SYNE1: variants seen among roughly 807,000 people sequenced by gnomAD.
SYNE1 encodes nesprin-1.
SYNE1 carries 616 observed loss-of-function variants against 1,111.0 expected under a neutral mutation model. That is an observed-to-expected ratio of 0.55 (90% CI 0.52 to 0.59). The LOEUF (loss-of-function observed/expected upper bound fraction) is 0.59. Ranked by LOEUF, SYNE1 falls within the 20% of genes least tolerant of loss-of-function variation. The probability of loss-of-function intolerance (pLI) is 0.00; values close to 1 mark genes in which losing one functional copy is unlikely to be tolerated. For synonymous variants in SYNE1, 3,855 were observed against 3,825.8 expected, an observed-to-expected ratio of 1.01 and a Z score of -0.28; for missense variants, 10,006 against 10,417.0, an observed-to-expected ratio of 0.96 and a Z score of 1.72.
At chr6:152,146,283 C>A (rs1433981231) in intron 137 of SYNE1, 1 of 152,126 alleles carries the variant, frequency 6.6e-6, no homozygotes, top group Non-Finnish European at 1.5e-5. Flanking sequence ...TCTATGTGAA[C>A]TATATATGTA....
At chr6:152,604,033 A>G (rs1185759600) in intron 3 of SYNE1, among the ~76,000 whole-genome samples, 1 of 150,434 alleles carries the variant, frequency 6.6e-6, no homozygotes, top group Non-Finnish European at 1.5e-5. Flanking sequence ...TAGAACATAT[A>G]TATGTATGTA....
At chr6:152,529,909 C>T (rs1227141211) in intron 4 of SYNE1, among the ~76,000 whole-genome samples, 1 of 152,044 alleles carries the variant, frequency 6.6e-6, no homozygotes, top group Non-Finnish European at 1.5e-5. Flanking sequence ...CTCTCTCCCA[C>T]ACCCTCAACC....
rs1323493048 is a variant in SYNE1 at position 152,294,127 on chromosome 6, C to T, written c.17683G>A (p.Asp5895Asn). ...GACAAGGCTTGGTAATATGCAATGT[C>T]CTGTGAGTGCAAAGCACAGTATTGA... ...VANTDASVNQ[D>N]IAYYQALSAE... The change falls in exon 94 of 146, where the codon GAC becomes AAC. Residue 5895 changes from aspartate (D) to asparagine (N), a missense_variant and splice_region_variant. By Grantham distance (23) the Asp-to-Asn change is conservative (BLOSUM62 1). Transcript: ENST00000367255. 1 of 1,613,282 alleles carries T rather than the reference C, an allele frequency of 6.2e-7. No individual in the cohort carries two copies. Among genetic ancestry groups the T allele is most frequent in the East Asian group, 2.2e-5 (1 of 44,868 alleles).
intron 74 of SYNE1, among the ~76,000 whole-genome samples, chr6:152,340,479 C>T (rs777941903): frequency 3.9e-5 from 6 of 152,184 alleles, no homozygotes; most frequent in South Asian, 4.1e-4. Context: ...CAGCATCCTT[C>T]GCGTCTACCC....
In SYNE1 at chr6:152,433,943, A is replaced by T. The variant is rs886044260; in HGVS notation, c.4313T>A (p.Ile1438Asn). ...KKLEDTLEED[I>N]KTMEMVKTKW... Reference sequence around the variant, plus strand: ...GGTTTTCACCATTTCCATGGTTTTAATACTAAAATTAACCAAATTAAGTAA... The same window carrying T: ...GGTTTTCACCATTTCCATGGTTTTATTACTAAAATTAACCAAATTAAGTAA... The change falls in exon 34 of 146, where the codon ATT (isoleucine) becomes AAT (asparagine). Residue 1438 changes from isoleucine (I) to asparagine (N), a missense_variant and splice_region_variant. Physicochemically the swap from Ile to Asn is moderately radical, Grantham distance 149 (BLOSUM62 -3). Coordinates refer to ENST00000367255, the MANE Select transcript of SYNE1 (RefSeq NM_182961.4). 1 of 1,612,242 alleles carries T rather than the reference A, an allele frequency of 6.2e-7. No homozygotes were observed.
In SYNE1 at chr6:152,149,572, C is replaced by T; in HGVS notation, c.24547G>A (p.Ala8183Thr). Residue 8183 changes from alanine to threonine, a missense_variant, in exon 136 of 146, where the codon GCG becomes ACG. By Grantham distance (58) the Ala-to-Thr change is moderately conservative. Transcript: ENST00000367255. ...LIEKSEPLDA[A>T]IIEEELDELR... ...TCATCTAGTTCCTCCTCGATGATCG[C>T]TGCATCCAAGGGCTCACTCTTTTCT... is the stretch of plus-strand genomic sequence containing the variant. The T allele has an allele frequency of 6.2e-7, 1 of 1,614,198 alleles. No homozygotes were observed. The highest frequency in any genetic ancestry group is 8.5e-7 in the Non-Finnish European group (1 of 1,180,032).
intron 128 of SYNE1, among the ~76,000 whole-genome samples, chr6:152,183,648 T>C (rs2068790438): frequency 6.6e-6 from 1 of 152,100 alleles, no homozygotes; most frequent in Non-Finnish European, 1.5e-5. Context: ...GATGAACAAG[T>C]AACTCCTTAC....
At chr6:152,221,618 T>A in intron 117 of SYNE1, 59 bp from the exon 118 acceptor site, 3 of 1,606,558 alleles carry the variant, frequency 1.9e-6, no homozygotes, top group Non-Finnish European at 2.6e-6. Context: ...AATAAGCAAG[T>A]TTAAAAGGAA....
intron 102 of SYNE1, among the ~76,000 whole-genome samples, chr6:152,255,978 A>T (rs2090712964): frequency 6.6e-6 from 1 of 152,254 alleles, no homozygotes; most frequent in Admixed American, 6.5e-5. Context: ...ATGTGCCTGT[A>T]GTCCCAGCTT....
At chr6:152,509,289 C>T (rs2099073631) in intron 8 of SYNE1, among the ~76,000 whole-genome samples, 1 of 128,054 alleles carries the variant, frequency 7.8e-6, no homozygotes, top group African/African-American at 3.0e-5. Context: ...CTAGCTCTGT[C>T]GCTCAGACTG....
intron 95 of SYNE1, among the ~76,000 whole-genome samples, chr6:152,291,423 G>C (rs1174356247): frequency 6.6e-6 from 1 of 152,052 alleles, no homozygotes; most frequent in African/African-American, 2.4e-5. Flanking sequence ...AAAAAGTCAT[G>C]TGGTTGGCCT....
chr6:152,444,385 T>G (rs1327686684), intron 30 of SYNE1, 26 bp downstream of exon 30: 2 of 1,612,116 alleles, frequency 1.2e-6, no homozygotes, highest in East Asian at 4.5e-5. Flanking sequence ...TTACATAATC[T>G]TGTTGGAAGA....
At chr6:152,239,436 T>A in intron 108 of SYNE1, 97 bp downstream of exon 108, 2 of 1,477,364 alleles carry the variant, frequency 1.4e-6, no homozygotes, top group South Asian at 2.3e-5. Context: ...TCTGAGGTTA[T>A]GTGAGGCAAA....
intron 6 of SYNE1, among the ~76,000 whole-genome samples, chr6:152,515,711 T>G (rs949430473): frequency 3.3e-5 from 5 of 152,328 alleles, no homozygotes; most frequent in African/African-American, 1.2e-4. Context: ...GTCCCCTGTC[T>G]GCACTATGAT....
intron 11 of SYNE1, among the ~76,000 whole-genome samples, chr6:152,495,216 C>G (rs1457688689): frequency 6.6e-6 from 1 of 152,144 alleles, no homozygotes; most frequent in Non-Finnish European, 1.5e-5. Flanking sequence ...GGCAGATTGA[C>G]TTTACCCACA....
rs112684568 is a variant in SYNE1 at position 152,237,068 on chromosome 6, G to A, written c.20068-120C>T. On this transcript the variant is annotated intron_variant, in intron 108 of 145. Transcript: ENST00000367255. ...TTAAAGTTATATCAGAGATGTTTGC[G>A]TTGGGCCTTGCTTTGGGAAGCAAAA... is the stretch of plus-strand genomic sequence containing the variant. 1.5e-4 allele frequency: 205 copies of A among 1,363,270 alleles called. 1 individual carries two copies. The highest frequency in any genetic ancestry group is 7.5e-4 in the Middle Eastern group (3 of 4,012). The allele number at this position is 1,363,270 out of a possible 1,614,324, so 84.4% of individuals were successfully genotyped here. A position where few individuals can be genotyped will look rare whatever the true frequency, so the allele number is the denominator to read the frequency against.
chr6:152,621,622 A>G (rs938701283), intron 3 of SYNE1, among the ~76,000 whole-genome samples: 1 of 150,888 alleles, frequency 6.6e-6, no homozygotes, highest in African/African-American at 2.4e-5. Context: ...TTTCTATTTG[A>G]GAGCGAATAT....
intron 91 of SYNE1, among the ~76,000 whole-genome samples, chr6:152,306,492 AAAT>A (rs2153826315): frequency 3.7e-5 from 2 of 53,724 alleles, no homozygotes; most frequent in Non-Finnish European, 7.8e-5. Flanking sequence ...TCTAAAAAAT[AAAT>A]AAATAAATAA....
At chr6:152,478,630 T>G (rs2098849965) in intron 14 of SYNE1, 1 of 152,262 alleles carries the variant, frequency 6.6e-6, no homozygotes, top group Non-Finnish European at 1.5e-5. Context: ...GCTTCTATTT[T>G]CTCAAAGAAA....
Sources: gnomAD v4.1 joint callset for allele counts (sites outside exome capture counted in the v4.1 genomes callset) on GRCh38, gnomAD v4.1.1 for gene constraint, MANE v1.5 for transcripts, NCBI Gene and HGNC (gene_info 2026-07-23, HGNC 2026-07-21) for gene names.